The following NCKAP5 variants were observed in gnomAD, a reference collection of about 807,000 sequenced individuals.
The protein encoded by NCKAP5 is NCK associated protein 5, also known as nck-associated protein 5.
NCKAP5 carries 92 observed loss-of-function variants against 167.0 expected under a neutral mutation model. That is an observed-to-expected ratio of 0.55 (90% CI 0.47 to 0.66). The LOEUF (loss-of-function observed/expected upper bound fraction) is 0.66, where lower values mean the gene tolerates loss of function less well. NCKAP5 is among the 30% of genes least tolerant of loss of function. The pLI, the probability that NCKAP5 is intolerant of heterozygous loss-of-function variation, is 0.00. For synonymous variants in NCKAP5, 891 were observed against 877.4 expected (o/e 1.02, Z -0.27); for missense variants, 2,378 against 2,315.0 (o/e 1.03, Z -0.56).
At chr2:133,413,477 C>T (rs1305773806) in intron 3 of NCKAP5, among the ~76,000 whole-genome samples, 4 of 151,966 alleles carry the variant, frequency 2.6e-5, no homozygotes, top group Non-Finnish European at 4.4e-5. Context: ...TGTCAATGTC[C>T]TAGTGGTGAT....
intron 10 of NCKAP5, among the ~76,000 whole-genome samples, chr2:132,865,170 A>G (rs926499110): frequency 6.6e-6 from 1 of 152,108 alleles, no homozygotes; most frequent in Non-Finnish European, 1.5e-5. Context: ...CACATCTCAG[A>G]CTGATCCAGG....
chr2:133,466,227 T>C (rs201232935), intron 3 of NCKAP5, among the ~76,000 whole-genome samples: 15 of 143,482 alleles, frequency 1.0e-4, no homozygotes, highest in East Asian at 2.0e-4. Flanking sequence ...TTTCTACATA[T>C]GGCTAGCCAG....
chr2:133,018,519 C>T (rs898830891), intron 6 of NCKAP5, among the ~76,000 whole-genome samples: 2 of 152,184 alleles, frequency 1.3e-5, no homozygotes, highest in African/African-American at 4.8e-5. Flanking sequence ...GATTTCATAG[C>T]CCTGTGCCTC....
At chr2:133,105,688 T>C (rs917804151) in intron 6 of NCKAP5, among the ~76,000 whole-genome samples, 2 of 152,164 alleles carry the variant, frequency 1.3e-5, no homozygotes, top group African/African-American at 4.8e-5. Context: ...GACCAGCTGG[T>C]TTCAATGATT....
chr2:133,577,870 C>G, the NCKAP5 span, among the ~76,000 whole-genome samples: 1 of 152,126 alleles, frequency 6.6e-6, no homozygotes, highest in Non-Finnish European at 1.5e-5. Context: ...GTTTCCAAAC[C>G]CTCTCCCCAT....
chr2:133,409,357 A>G lies in NCKAP5; in HGVS notation c.70-106247T>C, dbSNP rs1688635189. 3.9e-5 allele frequency among the ~76,000 whole-genome samples: 6 copies of G among 152,226 alleles called. No homozygotes were observed. In the South Asian group the frequency reaches 1.2e-3, roughly 32 times the overall value. ...AAAGGTTTCCTAGAAGCAGACGCTA[A>G]ACATCTCAGAGGCAGGATTGTACCC... On this transcript the variant is annotated intron_variant, in intron 3 of 19. Transcript: ENST00000409261.
intron 4 of NCKAP5, among the ~76,000 whole-genome samples, chr2:133,248,703 A>G (rs2150327068): frequency 6.6e-6 from 1 of 152,290 alleles, no homozygotes; most frequent in Non-Finnish European, 1.5e-5. Context: ...AATTCTCTTC[A>G]GTGTAGAGTT....
intron 19 of NCKAP5, among the ~76,000 whole-genome samples, chr2:132,699,694 G>A (rs1687697962): frequency 6.6e-6 from 1 of 152,206 alleles, no homozygotes; most frequent in African/African-American, 2.4e-5. Flanking sequence ...ATTCCATGGT[G>A]TATATGTGCC....
Position 133,030,114 on chromosome 2 carries a change from G to A in NCKAP5, c.342-35875C>T, listed in dbSNP as rs576366251. ...TCTAGTTTACACATGTAGAAATGCC[G>A]TCACTGGTATAGATTCGGTTTCAGG... is the stretch of plus-strand genomic sequence containing the variant. On this transcript the variant is annotated intron_variant, in intron 6 of 19. Coordinates refer to ENST00000409261, the MANE Select transcript of NCKAP5 (RefSeq NM_207363.3). Among the ~76,000 whole-genome samples the A allele has an allele frequency of 1.7e-4, 26 of 152,262 alleles. No individual in the cohort carries two copies. In the South Asian group the frequency reaches 4.8e-3, roughly 28 times the overall value.
intron 8 of NCKAP5, among the ~76,000 whole-genome samples, chr2:132,920,070 GC>G (rs1695191603): frequency 6.6e-6 from 1 of 152,028 alleles, no homozygotes; most frequent in South Asian, 2.1e-4. Context: ...TACCTACATT[GC>G]CCAGCTGACT....
At chr2:133,107,439 G>A (rs2081746440) in intron 6 of NCKAP5, among the ~76,000 whole-genome samples, 2 of 152,188 alleles carry the variant, frequency 1.3e-5, no homozygotes, top group Non-Finnish European at 1.5e-5. Context: ...CCTATTTAAA[G>A]GAGACTTGCA....
intron 3 of NCKAP5, among the ~76,000 whole-genome samples, chr2:133,489,849 C>G (rs1224417145): frequency 6.6e-6 from 1 of 152,260 alleles, no homozygotes; most frequent in South Asian, 2.1e-4. Context: ...CCAAGGACAA[C>G]AGAACACACA....
intron 16 of NCKAP5, among the ~76,000 whole-genome samples, chr2:132,768,808 T>C (rs1681760516): frequency 6.6e-6 from 1 of 151,116 alleles, no homozygotes; most frequent in South Asian, 2.1e-4. Context: ...CCCGGCTAAT[T>C]TTTTGTATTT....
At chr2:133,076,077 C>T (rs1166963130) in intron 6 of NCKAP5, among the ~76,000 whole-genome samples, 1 of 152,150 alleles carries the variant, frequency 6.6e-6, no homozygotes, top group Non-Finnish European at 1.5e-5. Context: ...TTTATCTTTT[C>T]TGCATCCCAA....
chr2:133,600,701 A>G, the NCKAP5 span, among the ~76,000 whole-genome samples: 1 of 152,236 alleles, frequency 6.6e-6, no homozygotes, highest in Non-Finnish European at 1.5e-5. Flanking sequence ...GTTCTTTGCC[A>G]ATGAATCCTT....
intron 8 of NCKAP5, among the ~76,000 whole-genome samples, chr2:132,891,517 T>C (rs1692710284): frequency 1.3e-5 from 2 of 152,236 alleles, no homozygotes; most frequent in African/African-American, 4.8e-5. Context: ...CCTTCTCTTG[T>C]TTTGTTTATG....
intron 2 of NCKAP5, among the ~76,000 whole-genome samples, chr2:133,518,631 G>A (rs1332400149): frequency 3.3e-5 from 5 of 151,948 alleles, no homozygotes; most frequent in Admixed American, 6.6e-5. Context: ...TGGGATTACA[G>A]GCATGAGCCA....
the NCKAP5 span, among the ~76,000 whole-genome samples, chr2:133,626,626 G>T: frequency 6.6e-6 from 1 of 151,874 alleles, no homozygotes; most frequent in Admixed American, 6.6e-5. Flanking sequence ...AATTTTTAGG[G>T]TATGATAATG....
At chr2:132,815,169 TTA>T (rs1301241361) in intron 11 of NCKAP5, among the ~76,000 whole-genome samples, 1 of 152,228 alleles carries the variant, frequency 6.6e-6, no homozygotes, top group Middle Eastern at 3.2e-3. Flanking sequence ...AGATGCAAAG[TTA>T]TCTTTCTCTG....
Sources: gnomAD v4.1 joint callset for allele counts (sites outside exome capture counted in the v4.1 genomes callset) on GRCh38, gnomAD v4.1.1 for gene constraint, MANE v1.5 for transcripts, NCBI Gene and HGNC (gene_info 2026-07-23, HGNC 2026-07-21) for gene names.